Variants in ADAMTS10 observed in about 807,000 individuals in gnomAD.
ADAMTS10 encodes the protein A disintegrin and metalloproteinase with thrombospondin motifs 10.
ADAMTS10 carries 48 observed loss-of-function variants against 135.9 expected under a neutral mutation model. The observed-to-expected ratio is 0.35, with a 90% CI of 0.28 to 0.45. ADAMTS10 has a LOEUF of 0.45. Ranked by LOEUF, ADAMTS10 falls within the 20% of genes least tolerant of loss-of-function variation. ADAMTS10 has a pLI of 1.00. For missense variants in ADAMTS10, 1,131 were observed against 1,565.2 expected (o/e 0.72, Z 4.68); for synonymous variants, 621 against 647.5 (o/e 0.96, Z 0.62).
rs782338293 is a variant in ADAMTS10 at position 8,581,866 on chromosome 19, A to C, written c.3203-864T>G. 6.3e-3 allele frequency among the ~76,000 whole-genome samples: 952 copies of C among 151,284 alleles called. 4 individuals are homozygous for C. Among genetic ancestry groups the C allele is most frequent in the Middle Eastern group, 0.017 (5 of 294 alleles). On this transcript the variant is annotated intron_variant, in intron 25 of 25. Transcript: ENST00000597188. ...AAACAAAAAAACAAAAAAACAAAAA[A>C]AAAAAAAAGGAAAAATTAGCCGGGT...
At chr19:8,602,116 T>G (rs1427068715) in intron 5 of ADAMTS10, among the ~76,000 whole-genome samples, 1 of 152,208 alleles carries the variant, frequency 6.6e-6, no homozygotes, top group Admixed American at 6.6e-5. Flanking sequence ...CTAACTGCAT[T>G]GCAGTTAGAA....
intron 25 of ADAMTS10, among the ~76,000 whole-genome samples, chr19:8,584,179 T>TAAATAAAA (rs2042392126): frequency 8.9e-6 from 1 of 111,772 alleles, no homozygotes; most frequent in Admixed American, 8.8e-5. Context: ...AAAAAAAAAG[T>TAAATAAAA]AAATAAAAAA....
rs200668290 is a variant in ADAMTS10, at chr19:8,589,369, C to A, written c.2035-4G>T. 4.3e-6 allele frequency: 7 copies of A among 1,612,152 alleles called. No individual in the cohort carries two copies. The East Asian group carries it at 1.3e-4, about 31-fold the overall frequency. ...GGACTCGGTCGCAGCCCACGTGCTGCGTGGAGAAGGCGTGAGTGAGGCGAC... is the reference window on the plus strand; with the variant it reads ...GGACTCGGTCGCAGCCCACGTGCTGAGTGGAGAAGGCGTGAGTGAGGCGAC... On this transcript the variant is annotated splice_region_variant and splice_polypyrimidine_tract_variant and intron_variant, in intron 17 of 25. Coordinates refer to ENST00000597188, the MANE Select transcript of ADAMTS10 (RefSeq NM_030957.4).
chr19:8,600,807 C>G (rs1450177653), intron 6 of ADAMTS10, 121 bp downstream of exon 6: 1 of 1,313,288 alleles, frequency 7.6e-7, no homozygotes, highest in Non-Finnish European at 1.1e-6. Context: ...CTGCAACCTT[C>G]CTTTCTACCC....
intron 21 of ADAMTS10, 33 bp from the exon 22 acceptor site, chr19:8,586,284 C>A: frequency 6.2e-7 from 1 of 1,613,242 alleles, no homozygotes. Flanking sequence ...TGCTCAGCCC[C>A]TCCCGGCCCA....
At chr19:8,604,955 T>C (rs1401431463) in intron 4 of ADAMTS10, 57 bp downstream of exon 4, 3 of 1,521,850 alleles carry the variant, frequency 2.0e-6, no homozygotes, top group Non-Finnish European at 2.7e-6. Context: ...AGAAGTGTTT[T>C]TCTTAACTTC....
chr19:8,586,336 G>T lies in ADAMTS10; in HGVS notation c.2530+8C>A. On this transcript the variant is annotated splice_region_variant and intron_variant, in intron 21 of 25. Transcript: ENST00000597188. ...GTATCTTGTGCCTTCCCCCACCCCCGGCCTCACCGCCTGCACACTGGGCCG... is the reference window on the plus strand; with the variant it reads ...GTATCTTGTGCCTTCCCCCACCCCCTGCCTCACCGCCTGCACACTGGGCCG... 6.2e-7 allele frequency: 1 copy of T among 1,613,498 alleles called. No individual in the cohort carries two copies. The highest frequency in any genetic ancestry group is 8.5e-7 in the Non-Finnish European group (1 of 1,179,880).
intron 6 of ADAMTS10, among the ~76,000 whole-genome samples, chr19:8,599,606 C>T (rs1287914832): frequency 2.6e-5 from 4 of 151,918 alleles, no homozygotes; most frequent in African/African-American, 4.8e-5. Context: ...GCTGGGATTA[C>T]AGGTGTGAGC....
intron 6 of ADAMTS10, among the ~76,000 whole-genome samples, chr19:8,599,474 G>A (rs1283397469): frequency 1.3e-5 from 2 of 151,998 alleles, no homozygotes; most frequent in Non-Finnish European, 2.9e-5. Flanking sequence ...GGGATTACAG[G>A]TGCCCACCAC....
intron 4 of ADAMTS10, 138 bp downstream of exon 4, chr19:8,604,874 T>C: frequency 1.1e-6 from 1 of 942,302 alleles, no homozygotes. Flanking sequence ...TTTAGCTGCA[T>C]CCCCAAAGCA....
intron 2 of ADAMTS10, among the ~76,000 whole-genome samples, chr19:8,607,310 T>G (rs2042731568): frequency 6.6e-6 from 1 of 152,194 alleles, no homozygotes; most frequent in Non-Finnish European, 1.5e-5. Flanking sequence ...TTGGATTCTC[T>G]GCACTGGGTA....
intron 18 of ADAMTS10, 77 bp from the exon 19 acceptor site, chr19:8,586,973 A>G: frequency 6.9e-7 from 1 of 1,450,660 alleles, no homozygotes; most frequent in Non-Finnish European, 9.7e-7. Flanking sequence ...CCGGCCCATG[A>G]GGATAACAGC....
intron 18 of ADAMTS10, among the ~76,000 whole-genome samples, chr19:8,588,636 C>A (rs782483618): frequency 6.6e-6 from 1 of 152,162 alleles, no homozygotes; most frequent in African/African-American, 2.4e-5. Context: ...CTCTGAATAT[C>A]CCCTCCCGTA....
At chr19:8,581,651 G>A (rs1158683619) in intron 25 of ADAMTS10, among the ~76,000 whole-genome samples, 1 of 151,904 alleles carries the variant, frequency 6.6e-6, no homozygotes, top group Non-Finnish European at 1.5e-5. Context: ...CCTGGCCAAC[G>A]TGATCAAACC....
Position 8,605,748 on chromosome 19 carries a change from C to A in ADAMTS10, c.-38G>T. 2.5e-6 allele frequency: 4 copies of A among 1,570,272 alleles called. No individual in the cohort carries two copies. Among genetic ancestry groups the A allele is most frequent in the Non-Finnish European group, 3.4e-6 (4 of 1,161,328 alleles). Reference sequence around the variant, plus strand: ...TCCACATGTCTCTCCCCAGCCCCGGCTGCCGGCAGCCCCCACAGTGCCGCC... The same window carrying A: ...TCCACATGTCTCTCCCCAGCCCCGGATGCCGGCAGCCCCCACAGTGCCGCC... On this transcript the variant is annotated 5_prime_UTR_variant, in exon 3 of 26. Transcript: ENST00000597188. This position sits in a 1 kb window ranked among gnomAD's most constrained non-coding sequence, Gnocchi z 7.7.
rs2042711131 is a variant in ADAMTS10 at position 8,605,448 on chromosome 19, G to C, written c.89-90C>G. On this transcript the variant is annotated intron_variant, in intron 3 of 25. Coordinates refer to ENST00000597188, the MANE Select transcript of ADAMTS10 (RefSeq NM_030957.4). The surrounding 1 kb of genome is among the most constrained non-coding windows in gnomAD (Gnocchi z 7.7). ...TTAGGCTGCTGGAGCAAGTGATGCT[G>C]GCCTCACTGACCCCCGAAATCCAGG... The C allele has an allele frequency of 6.8e-7, 1 of 1,470,794 alleles. No homozygotes were observed. The highest frequency in any genetic ancestry group is 1.4e-5 in the African/African-American group (1 of 71,506). 91.1% of individuals were successfully genotyped at this position (1,470,794 alleles called of 1,614,324 possible). A position where few individuals can be genotyped will look rare whatever the true frequency, so the allele number is the denominator to read the frequency against.
chr19:8,596,951 C>G lies in ADAMTS10; in HGVS notation c.1040+36G>C, dbSNP rs1555740375. The G allele has an allele frequency of 6.2e-7, 1 of 1,608,644 alleles. No homozygotes were observed. Among genetic ancestry groups the G allele is most frequent in the South Asian group, 1.1e-5 (1 of 91,052 alleles). ...CATGGTTCCCTGGACCATCTGTTTT[C>G]TCAGCCCCAGTCCTAGACCTCTCCT... On this transcript the variant is annotated intron_variant, in intron 8 of 25. Transcript: ENST00000597188. This position sits in a 1 kb window ranked among gnomAD's most constrained non-coding sequence, Gnocchi z 7.2.
chr19:8,586,593 C>T lies in ADAMTS10; in HGVS notation c.2368G>A (p.Ala790Thr). 6.2e-7 allele frequency: 1 copy of T among 1,614,010 alleles called. No individual in the cohort carries two copies. Among genetic ancestry groups the T allele is most frequent in the Admixed American group, 1.7e-5 (1 of 60,020 alleles). The change falls in exon 20 of 26, where the codon GCC becomes ACC. Residue 790 changes from alanine to threonine, a missense_variant. Around this residue, in one of 3 missense-constraint regions of ADAMTS10, gnomAD observed 745 missense variants for 1,056.3 expected, o/e 0.71. Coordinates refer to ENST00000597188, the MANE Select transcript of ADAMTS10 (RefSeq NM_030957.4). Reference sequence around the variant, plus strand: ...AGAGATGCATTAATCGGTCCCAGGGCTTCGAGGCTCTGGACCTGGTCTGGC... The same window carrying T: ...AGAGATGCATTAATCGGTCCCAGGGTTTCGAGGCTCTGGACCTGGTCTGGC... ...QGPDQVQSLE[A>T]LGPINASLIV... is the part of the protein sequence containing the mutation.
chr19:8,587,660 C>T (rs1203651813), intron 18 of ADAMTS10, among the ~76,000 whole-genome samples: 1 of 151,878 alleles, frequency 6.6e-6, no homozygotes, highest in African/African-American at 2.4e-5. Context: ...TAGCCGGGCA[C>T]AGTGGTCACG....
Sources: gnomAD v4.1 joint callset for allele counts (sites outside exome capture counted in the v4.1 genomes callset) on GRCh38, gnomAD v4.1.1 for gene constraint, gnomAD v4.1.1 regional missense constraint, Gnocchi (gnomAD v3.1) non-coding constraint, MANE v1.5 for transcripts, NCBI Gene and HGNC (gene_info 2026-07-23, HGNC 2026-07-21) for gene names.